Variants in SPRED2 observed in about 807,000 individuals in gnomAD.
The protein encoded by SPRED2 is sprouty related EVH1 domain containing 2, also known as sprouty-related, EVH1 domain-containing protein 2.
A neutral mutation model predicts 43.0 loss-of-function variants in SPRED2; 47 were observed. That is an observed-to-expected ratio of 1.09 (90% CI 0.87 to 1.40). The LOEUF (loss-of-function observed/expected upper bound fraction) is 1.40, where lower values mean the gene tolerates loss of function less well. Ranked by LOEUF, SPRED2 falls within the 40% of genes most tolerant of loss-of-function variation. The pLI, the probability that SPRED2 is intolerant of heterozygous loss-of-function variation, is 0.00. For synonymous variants in SPRED2, 225 were observed against 225.7 expected (o/e 1.00, Z 0.03); for missense variants, 561 against 586.4 (o/e 0.96, Z 0.45).
chr2:65,392,257 G>A (rs993433127), intron 1 of SPRED2, among the ~76,000 whole-genome samples: 1 of 141,186 alleles, frequency 7.1e-6, no homozygotes, highest in African/African-American at 2.7e-5. Context: ...ATGGCTCCCT[G>A]AAGCCTCAAC....
downstream of SPRED2, chr2:65,308,546 T>G (rs1313066579): frequency 2.0e-6 from 2 of 985,318 alleles, no homozygotes; most frequent in Non-Finnish European, 2.4e-6. Context: ...GAGGTTGTTC[T>G]CTCGAGTTCC....
At chr2:65,377,130 GTT>G (rs1675259388) in intron 1 of SPRED2, among the ~76,000 whole-genome samples, 1 of 152,130 alleles carries the variant, frequency 6.6e-6, no homozygotes, top group Non-Finnish European at 1.5e-5. Context: ...AACATTTAGT[GTT>G]TTCCAAACTT....
At chr2:65,350,365 A>G (rs561534275) in intron 1 of SPRED2, among the ~76,000 whole-genome samples, 1 of 152,310 alleles carries the variant, frequency 6.6e-6, no homozygotes, top group South Asian at 2.1e-4. Context: ...GAAATTAACA[A>G]CTGCTGTAAT....
At chr2:65,363,423 C>T (rs1674883436) in intron 1 of SPRED2, among the ~76,000 whole-genome samples, 1 of 152,112 alleles carries the variant, frequency 6.6e-6, no homozygotes, top group South Asian at 2.1e-4. Flanking sequence ...GATCATTCAT[C>T]CCATTTGTAC....
chr2:65,311,558 T>C lies in SPRED2; in HGVS notation c.*1943A>G. On this transcript the variant is annotated 3_prime_UTR_variant, in exon 6 of 6. Coordinates refer to ENST00000356388, the MANE Select transcript of SPRED2 (RefSeq NM_181784.3). The stretch of plus-strand genomic sequence containing the variant: ...ACCCTAGAGAAAGACCCCAAGGAAG[T>C]GCCTCCGGGTCGGGGGAAGGTGGTC... The C allele has an allele frequency of 2.0e-6, 2 of 985,810 alleles. No homozygotes were observed. Among genetic ancestry groups the C allele is most frequent in the Non-Finnish European group, 2.4e-6 (2 of 829,936 alleles). The allele number at this position is 985,810 out of a possible 1,614,324, so 61.1% of individuals were successfully genotyped here.
chr2:65,327,957 C>CGA (rs1553416674), intron 4 of SPRED2, among the ~76,000 whole-genome samples: 2 of 151,910 alleles, frequency 1.3e-5, no homozygotes, highest in Admixed American at 6.6e-5. Context: ...TTGCTGACCT[C>CGA]GTGATCCGCC....
rs780925605 is a variant in SPRED2 at position 65,313,628 on chromosome 2, C to G, written c.1130G>C (p.Arg377Pro). 6.2e-7 allele frequency: 1 copy of G among 1,614,152 alleles called. No homozygotes were observed. The highest frequency in any genetic ancestry group is 8.5e-7 in the Non-Finnish European group (1 of 1,180,014). ...AGACAAGGCAATAAGAGCCATCCAC[C>G]GGAGGCAAAACTTCTCGTCGCTAGT... is the stretch of plus-strand genomic sequence containing the variant. ...CDTSDEKFCL[R>P]WMALIALSFL... is the part of the protein sequence containing the mutation. The change falls in exon 6 of 6, where the codon CGG becomes CCG. Residue 377 changes from arginine to proline, a missense_variant. Arg to Pro is a moderately radical substitution (Grantham distance 103). This residue lies in a region of SPRED2 where 65 missense variants were observed against 60.2 expected (regional missense o/e 1.08). Transcript: ENST00000356388.
chr2:65,385,302 G>A (rs919771485), intron 1 of SPRED2, among the ~76,000 whole-genome samples: 3 of 152,046 alleles, frequency 2.0e-5, no homozygotes, highest in African/African-American at 4.8e-5. Context: ...TACTTACAAA[G>A]CCTCTTATGA....
chr2:65,311,530 G>C lies in SPRED2; in HGVS notation c.*1971C>G, dbSNP rs1673067435. 1 of 985,832 alleles carries C rather than the reference G, an allele frequency of 1.0e-6. No individual in the cohort carries two copies. Among genetic ancestry groups the C allele is most frequent in the Non-Finnish European group, 1.2e-6 (1 of 829,926 alleles). The allele number at this position is 985,832 out of a possible 1,614,324, so 61.1% of individuals were successfully genotyped here. A position where few individuals can be genotyped will look rare whatever the true frequency, so the allele number is the denominator to read the frequency against. On this transcript the variant is annotated 3_prime_UTR_variant, in exon 6 of 6. Transcript: ENST00000356388. The stretch of plus-strand genomic sequence containing the variant: ...CATTAGTGTTGTGCTTTGTAGAGAA[G>C]AGACCCTAGAGAAAGACCCCAAGGA...
chr2:65,432,104 C>A lies in SPRED2; in HGVS notation c.-117G>T, dbSNP rs991207638. 2 of 1,368,942 alleles carry A rather than the reference C, an allele frequency of 1.5e-6. No individual in the cohort carries two copies. The highest frequency in any genetic ancestry group is 1.4e-5 in the African/African-American group (1 of 70,126). The allele number at this position is 1,368,942 out of a possible 1,614,324, so 84.8% of individuals were successfully genotyped here. On this transcript the variant is annotated 5_prime_UTR_variant, in exon 1 of 6. Transcript: ENST00000356388. ...GATCGCCTGATTTGGGGAGGGGGGGCGGCTAGAGATGAAGAGGGCGCCGCA... is the reference window on the plus strand; with the variant it reads ...GATCGCCTGATTTGGGGAGGGGGGGAGGCTAGAGATGAAGAGGGCGCCGCA...
chr2:65,329,777 A>G (rs1279180832), intron 4 of SPRED2, among the ~76,000 whole-genome samples: 1 of 152,176 alleles, frequency 6.6e-6, no homozygotes, highest in East Asian at 1.9e-4. Flanking sequence ...TCAAAACGTG[A>G]CAAAGGAACA....
In SPRED2 at chr2:65,313,168, G is replaced by A; in HGVS notation, c.*333C>T. ...CTCCTTTGAACTGGAAGAGGCGGGG[G>A]AGGAGGAAACAGGAAATCAACACAT... On this transcript the variant is annotated 3_prime_UTR_variant, in exon 6 of 6. Transcript: ENST00000356388. 1 of 1,047,988 alleles carries A rather than the reference G, an allele frequency of 9.5e-7. No individual in the cohort carries two copies. Among genetic ancestry groups the A allele is most frequent in the Non-Finnish European group, 1.1e-6 (1 of 870,838 alleles). 64.9% of individuals were successfully genotyped at this position (1,047,988 alleles called of 1,614,324 possible).
chr2:65,363,473 G>A (rs893476418), intron 1 of SPRED2, among the ~76,000 whole-genome samples: 3 of 152,156 alleles, frequency 2.0e-5, no homozygotes, highest in Admixed American at 1.3e-4. Flanking sequence ...ATCCACGCTT[G>A]TCTCTGGCTT....
chr2:65,351,136 C>G (rs1674499934), intron 1 of SPRED2, among the ~76,000 whole-genome samples: 1 of 152,180 alleles, frequency 6.6e-6, no homozygotes, highest in Non-Finnish European at 1.5e-5. Context: ...ACTGCCTGCC[C>G]TTTCCAGCTA....
intron 4 of SPRED2, among the ~76,000 whole-genome samples, chr2:65,325,693 C>G (rs1673589756): frequency 1.3e-5 from 2 of 152,210 alleles, no homozygotes; most frequent in South Asian, 4.1e-4. Flanking sequence ...GTAATCCCAG[C>G]ACTTTGGGAG....
At chr2:65,431,041 G>A (rs947567104) in intron 1 of SPRED2, among the ~76,000 whole-genome samples, 2 of 151,864 alleles carry the variant, frequency 1.3e-5, no homozygotes, top group African/African-American at 4.8e-5. Context: ...TGCCAAACTG[G>A]ACCCCTGGAC....
At chr2:65,357,146 G>A (rs979980406) in intron 1 of SPRED2, among the ~76,000 whole-genome samples, 2 of 152,206 alleles carry the variant, frequency 1.3e-5, no homozygotes, top group Non-Finnish European at 2.9e-5. Context: ...CACTAGAAAT[G>A]GATGCCCTCT....
Position 65,431,967 on chromosome 2 carries a change from TG to T in SPRED2, c.20del (p.Pro7GlnfsTer15). 6.2e-7 allele frequency: 1 copy of T among 1,613,838 alleles called. No homozygotes were observed. The highest frequency in any genetic ancestry group is 8.5e-7 in the Non-Finnish European group (1 of 1,179,904). On this transcript the variant is annotated frameshift_variant, in exon 1 of 6. Transcript: ENST00000356388. LOFTEE classifies it high-confidence loss of function. ...CACCCCGCGACCAAACTTACTCGTC[TG>T]GGTGTGTTTCTTCGGTCATTTTCTT... MTEETH[P>X]DDDSYIVRVK...
intron 1 of SPRED2, among the ~76,000 whole-genome samples, chr2:65,401,679 AG>A (rs1384254136): frequency 6.6e-6 from 1 of 151,928 alleles, no homozygotes; most frequent in African/African-American, 2.4e-5. Context: ...GCGCGCCTGT[AG>A]TCCCAGCCAC....
Sources: gnomAD v4.1 joint callset for allele counts (sites outside exome capture counted in the v4.1 genomes callset) on GRCh38, gnomAD v4.1.1 for gene constraint, gnomAD v4.1.1 regional missense constraint, MANE v1.5 for transcripts, NCBI Gene and HGNC (gene_info 2026-07-23, HGNC 2026-07-21) for gene names.